Variants in SCFD2 observed in about 807,000 individuals in gnomAD.
SCFD2 encodes the protein sec1 family domain containing 2, also known as sec1 family domain-containing protein 2.
In SCFD2, 54 loss-of-function variants were observed where a neutral mutation model predicts 58.9. The observed-to-expected ratio is 0.92, with a 90% CI of 0.74 to 1.15. The LOEUF is 1.15. Ranked by LOEUF, SCFD2 falls within the 50% of genes most tolerant of loss-of-function variation. SCFD2 has a pLI of 0.00. For missense variants in SCFD2, 805 were observed against 836.6 expected (o/e 0.96, Z 0.47); for synonymous variants, 321 against 335.9 (o/e 0.96, Z 0.49).
intron 4 of SCFD2, among the ~76,000 whole-genome samples, chr4:53,202,003 C>T (rs373338199): frequency 4.6e-5 from 7 of 152,030 alleles, no homozygotes; most frequent in East Asian, 1.9e-4. Flanking sequence ...GTAGTTTCTT[C>T]TGCTGTGCAG....
chr4:53,365,914 T>C lies in SCFD2; in HGVS notation c.28A>G (p.Thr10Ala), dbSNP rs200519399. 3.1e-5 allele frequency: 48 copies of C among 1,571,198 alleles called. No homozygotes were observed. In the East Asian group the frequency reaches 1.1e-3, roughly 35 times the overall value. Residue 10 changes from threonine (T) to alanine (A), a missense_variant, in exon 1 of 9, where the codon ACC becomes GCC. Physicochemically the swap from Thr to Ala is moderately conservative, Grantham distance 58. Transcript: ENST00000401642. This position sits in a 1 kb window ranked among gnomAD's most constrained non-coding sequence, Gnocchi z 4.3. The stretch of plus-strand genomic sequence containing the variant: ...AGCACCTGCTCCCATCCTTGCTGGG[T>C]AAAGGACAGTACGCCCGAGGCGCTC... MSASGVLSF[T>A]QQGWEQVLAK...
intron 5 of SCFD2, among the ~76,000 whole-genome samples, chr4:53,051,005 T>A (rs1723176648): frequency 6.6e-6 from 1 of 152,180 alleles, no homozygotes; most frequent in South Asian, 2.1e-4. Flanking sequence ...TTTTCCTTCA[T>A]AGCCTTTATT....
intron 3 of SCFD2, among the ~76,000 whole-genome samples, chr4:53,296,097 TC>T (rs768157272): frequency 6.6e-6 from 1 of 152,150 alleles, no homozygotes; most frequent in Non-Finnish European, 1.5e-5. Flanking sequence ...CTTAAAATTT[TC>T]TTTTTGTGTT....
intron 7 of SCFD2, among the ~76,000 whole-genome samples, chr4:52,904,714 T>C (rs1298758763): frequency 1.3e-5 from 2 of 152,310 alleles, no homozygotes; most frequent in Middle Eastern, 6.8e-3. Context: ...GAATAACATA[T>C]GAGTATATGA....
chr4:53,211,281 G>A (rs1728604121), intron 4 of SCFD2, among the ~76,000 whole-genome samples: 1 of 150,916 alleles, frequency 6.6e-6, no homozygotes, highest in Admixed American at 6.6e-5. Flanking sequence ...GTTCAGAGAG[G>A]TTCCAGATAG....
At chr4:52,968,552 G>A (rs1364579358) in intron 5 of SCFD2, among the ~76,000 whole-genome samples, 2 of 152,178 alleles carry the variant, frequency 1.3e-5, no homozygotes, top group African/African-American at 4.8e-5. Context: ...TGGCTGACAT[G>A]GACGACAGAT....
At chr4:52,881,515 G>C (rs1718608802) in intron 8 of SCFD2, among the ~76,000 whole-genome samples, 6 of 152,156 alleles carry the variant, frequency 3.9e-5, no homozygotes, top group Admixed American at 3.9e-4. Context: ...TCTGTCCTTA[G>C]CATAAAAGAC....
intron 5 of SCFD2, among the ~76,000 whole-genome samples, chr4:53,137,797 T>C (rs1047899833): frequency 6.6e-6 from 1 of 152,216 alleles, no homozygotes; most frequent in African/African-American, 2.4e-5. Flanking sequence ...CAAAGTAGTT[T>C]TTTGTGTCAA....
intron 4 of SCFD2, among the ~76,000 whole-genome samples, chr4:53,252,833 G>A (rs1205376416): frequency 1.3e-5 from 2 of 152,100 alleles, no homozygotes; most frequent in Non-Finnish European, 2.9e-5. Flanking sequence ...CATGGGCAAG[G>A]ACTTCATGTC....
At position 53,352,737 on chromosome 4, in the gene SCFD2, C is replaced by T. The variant is rs1238229630; in HGVS notation, c.868G>A (p.Val290Ile). ...GAVGHHGDNLVEKIISALPQL... is the reference protein window; with the variant it reads ...GAVGHHGDNLIEKIISALPQL... ...GGAAGTGCTGAAATGATCTTCTCTA[C>T]TAAGTTGTCTCCATGATGTCCAACT... The change falls in exon 2 of 9, where the codon GTA becomes ATA. Residue 290 changes from valine (V) to isoleucine (I), a missense_variant. By Grantham distance (29) the Val-to-Ile change is conservative. Coordinates refer to ENST00000401642, the MANE Select transcript of SCFD2 (RefSeq NM_152540.4). 7 of 1,614,108 alleles carry T rather than the reference C, an allele frequency of 4.3e-6. No individual in the cohort carries two copies. Among genetic ancestry groups the T allele is most frequent in the African/African-American group, 2.7e-5 (2 of 75,044 alleles).
intron 5 of SCFD2, among the ~76,000 whole-genome samples, chr4:53,049,188 G>T (rs934957220): frequency 9.2e-5 from 14 of 152,092 alleles, no homozygotes; most frequent in African/African-American, 3.4e-4. Context: ...TTTAATCTTT[G>T]TGAGTCTGGA....
chr4:53,221,055 G>A (rs1160093041), intron 4 of SCFD2, among the ~76,000 whole-genome samples: 4 of 152,154 alleles, frequency 2.6e-5, no homozygotes, highest in Non-Finnish European at 5.9e-5. Context: ...GGAGTATCAG[G>A]AGCAACTACA....
At chr4:52,904,271 T>C (rs1221039192) in intron 7 of SCFD2, among the ~76,000 whole-genome samples, 2 of 152,258 alleles carry the variant, frequency 1.3e-5, no homozygotes, top group Non-Finnish European at 2.9e-5. Context: ...GGCAGCACCC[T>C]GAGCACAGGA....
At chr4:53,137,050 T>C (rs1157349974) in intron 5 of SCFD2, among the ~76,000 whole-genome samples, 1 of 152,226 alleles carries the variant, frequency 6.6e-6, no homozygotes, top group East Asian at 1.9e-4. Flanking sequence ...TTGTAGCAAA[T>C]ACAAGTTTCC....
rs928254892 is a variant in SCFD2, at chr4:53,299,783, T to G, written c.1135+13853A>C. ...ACTCTACAAGCCAGAAGAGAGTGGG[T>G]GCCAATATTCAACATTCTTAAAGAA... On this transcript the variant is annotated intron_variant, in intron 3 of 8. Coordinates refer to ENST00000401642, the MANE Select transcript of SCFD2 (RefSeq NM_152540.4). 2.6e-4 allele frequency among the ~76,000 whole-genome samples: 39 copies of G among 152,018 alleles called. 1 individual carries two copies. The highest frequency in any genetic ancestry group is 2.5e-3 in the South Asian group (12 of 4,804).
At chr4:53,083,175 C>T (rs561907551) in intron 5 of SCFD2, among the ~76,000 whole-genome samples, 36 of 152,114 alleles carry the variant, frequency 2.4e-4, no homozygotes, top group African/African-American at 8.2e-4. Context: ...AGGTATATTG[C>T]TTTGAACAAT....
At chr4:53,125,783 T>C (rs1200128044) in intron 5 of SCFD2, among the ~76,000 whole-genome samples, 1 of 152,208 alleles carries the variant, frequency 6.6e-6, no homozygotes, top group Non-Finnish European at 1.5e-5. Context: ...GCCAATTTCA[T>C]GTCTGACTGG....
chr4:53,365,879 C>G lies in SCFD2; in HGVS notation c.63G>C (p.Val21=), dbSNP rs752962849. The G allele has an allele frequency of 6.2e-7, 1 of 1,606,890 alleles. No homozygotes were observed. The highest frequency in any genetic ancestry group is 1.3e-5 in the African/African-American group (1 of 74,912). The part of the protein sequence containing the change: ...QQGWEQVLAK[V]KRAVVYLDAA... ...CGTCCAGGTAAACCACAGCCCGTTT[C>G]ACTTTGGCCAGCACCTGCTCCCATC... The change falls in exon 1 of 9, where the codon GTG becomes GTC. Residue 21 remains valine, a synonymous_variant. Coordinates refer to ENST00000401642, the MANE Select transcript of SCFD2 (RefSeq NM_152540.4). This position sits in a 1 kb window ranked among gnomAD's most constrained non-coding sequence, Gnocchi z 4.3.
intron 4 of SCFD2, among the ~76,000 whole-genome samples, chr4:53,182,184 C>T (rs1241259909): frequency 6.6e-6 from 1 of 152,118 alleles, no homozygotes; most frequent in Non-Finnish European, 1.5e-5. Flanking sequence ...AAAAAGAGCC[C>T]ACACTGCCAA....
Sources: gnomAD v4.1 joint callset for allele counts (sites outside exome capture counted in the v4.1 genomes callset) on GRCh38, gnomAD v4.1.1 for gene constraint, Gnocchi (gnomAD v3.1) non-coding constraint, MANE v1.5 for transcripts, NCBI Gene and HGNC (gene_info 2026-07-23, HGNC 2026-07-21) for gene names.